Variants in SLC24A2 observed in about 807,000 individuals in gnomAD.
The protein encoded by SLC24A2 is sodium/potassium/calcium exchanger 2.
A neutral mutation model predicts 62.0 loss-of-function variants in SLC24A2; 36 were observed. That is an observed-to-expected ratio of 0.58 (90% confidence interval 0.44 to 0.77). The LOEUF is 0.77. Among genes scored for constraint, SLC24A2 ranks in the 30% least tolerant of loss-of-function variants. The probability of loss-of-function intolerance (pLI) is 0.00; values close to 1 mark genes in which losing one functional copy is unlikely to be tolerated. For missense variants in SLC24A2, 846 were observed against 817.9 expected (o/e 1.03, Z -0.42); for synonymous variants, 358 against 294.0 (o/e 1.22, Z -2.23).
At chr9:20,075,120 A>C in the SLC24A2 span, among the ~76,000 whole-genome samples, 1 of 152,192 alleles carries the variant, frequency 6.6e-6, no homozygotes, top group Non-Finnish European at 1.5e-5. Context: ...CTTTGGCATT[A>C]CTACTTTTAT....
Position 19,512,823 on chromosome 9 carries a change from C to T in SLC24A2, c.*3330G>A, listed in dbSNP as rs1218733336. 6.6e-6 allele frequency: 1 copy of T among 152,044 alleles called. No individual in the cohort carries two copies. The highest frequency in any genetic ancestry group is 1.5e-5 in the Non-Finnish European group (1 of 68,008). 9.4% of individuals were successfully genotyped at this position (152,044 alleles called of 1,614,324 possible). ...GAGAAGCAAAGAGAGTATCTGCAGT[C>T]TAAATTTTTGCTTTGTATTTTCTGT... On this transcript the variant is annotated 3_prime_UTR_variant, in exon 11 of 11. Transcript: ENST00000341998.
the SLC24A2 span, among the ~76,000 whole-genome samples, chr9:19,902,640 TTGAG>T: frequency 1.5e-4 from 23 of 152,272 alleles, no homozygotes; most frequent in African/African-American, 5.3e-4. Flanking sequence ...GAAGAGGATA[TTGAG>T]TCATTTGCCT....
the SLC24A2 span, among the ~76,000 whole-genome samples, chr9:19,996,165 G>A: frequency 1.3e-5 from 2 of 152,312 alleles, no homozygotes; most frequent in Middle Eastern, 3.4e-3. Context: ...GTGCTGTGAA[G>A]AAAAGGCTGG....
At chr9:19,679,512 A>G (rs1019479035) in intron 2 of SLC24A2, among the ~76,000 whole-genome samples, 3 of 152,128 alleles carry the variant, frequency 2.0e-5, no homozygotes, top group Admixed American at 2.0e-4. Flanking sequence ...GTGTCTGTGA[A>G]GGGGTTTTTG....
the SLC24A2 span, among the ~76,000 whole-genome samples, chr9:20,261,424 G>A: frequency 2.0e-5 from 3 of 152,144 alleles, no homozygotes; most frequent in Non-Finnish European, 2.9e-5. Flanking sequence ...GCAAGCATGT[G>A]TAAAAAGAAG....
intron 8 of SLC24A2, among the ~76,000 whole-genome samples, chr9:19,538,283 G>A (rs1288881853): frequency 3.5e-5 from 5 of 144,058 alleles, no homozygotes; most frequent in African/African-American, 1.4e-4. Context: ...TCTTGTGCCA[G>A]TTTTCAAAGG....
chr9:19,776,097 G>A (rs1822838051), intron 2 of SLC24A2, among the ~76,000 whole-genome samples: 1 of 152,146 alleles, frequency 6.6e-6, no homozygotes, highest in African/African-American at 2.4e-5. Context: ...GCATGCATGT[G>A]CACATACATA....
At chr9:20,264,187 T>C in the SLC24A2 span, among the ~76,000 whole-genome samples, 4 of 152,168 alleles carry the variant, frequency 2.6e-5, no homozygotes, top group African/African-American at 9.7e-5. Flanking sequence ...AACACCTCTG[T>C]TGAAATGTCA....
the SLC24A2 span, among the ~76,000 whole-genome samples, chr9:20,291,804 T>A: frequency 6.6e-6 from 1 of 152,178 alleles, no homozygotes; most frequent in Non-Finnish European, 1.5e-5. Context: ...GAAGAGCCAC[T>A]GGCCATTTTT....
the SLC24A2 span, among the ~76,000 whole-genome samples, chr9:20,104,626 A>C: frequency 9.9e-5 from 15 of 152,182 alleles, no homozygotes; most frequent in Non-Finnish European, 1.6e-4. Context: ...GAGAAATAAA[A>C]TACTTTACAG....
At chr9:20,098,380 G>A in the SLC24A2 span, among the ~76,000 whole-genome samples, 5 of 152,180 alleles carry the variant, frequency 3.3e-5, no homozygotes, top group East Asian at 1.9e-4. Flanking sequence ...CTTTTCAGGT[G>A]CTGGGTTTTT....
At chr9:20,228,493 G>A in the SLC24A2 span, among the ~76,000 whole-genome samples, 14 of 152,074 alleles carry the variant, frequency 9.2e-5, 1 homozygote, top group Admixed American at 6.6e-4. Flanking sequence ...AAATCCAAGC[G>A]CAACAAATAT....
At chr9:20,190,394 A>C in the SLC24A2 span, among the ~76,000 whole-genome samples, 1 of 152,210 alleles carries the variant, frequency 6.6e-6, no homozygotes, top group African/African-American at 2.4e-5. Flanking sequence ...AATAATTAAA[A>C]ATTTTTAATC....
chr9:19,787,263 A>G (rs1823203347), intron 1 of SLC24A2, among the ~76,000 whole-genome samples: 1 of 152,228 alleles, frequency 6.6e-6, no homozygotes, highest in Non-Finnish European at 1.5e-5. Context: ...ACTTATGAAG[A>G]TGTATGTATA....
At chr9:19,975,727 G>C in the SLC24A2 span, among the ~76,000 whole-genome samples, 1 of 151,564 alleles carries the variant, frequency 6.6e-6, no homozygotes, top group South Asian at 2.1e-4. Flanking sequence ...ACTCATTTGG[G>C]TTGGAGACTT....
intron 2 of SLC24A2, among the ~76,000 whole-genome samples, chr9:19,648,917 G>T (rs1337053469): frequency 7.1e-6 from 1 of 141,092 alleles, no homozygotes; most frequent in Non-Finnish European, 1.5e-5. Context: ...TAATAAAGCT[G>T]ATTTCACTCA....
intron 2 of SLC24A2, among the ~76,000 whole-genome samples, chr9:19,703,204 G>A (rs934362419): frequency 1.3e-5 from 2 of 152,136 alleles, no homozygotes; most frequent in African/African-American, 4.8e-5. Flanking sequence ...ATGACATGAT[G>A]GATTAGAATC....
At chr9:19,566,884 C>G (rs965075285) in intron 7 of SLC24A2, among the ~76,000 whole-genome samples, 5 of 151,688 alleles carry the variant, frequency 3.3e-5, no homozygotes, top group African/African-American at 4.8e-5. Flanking sequence ...ACAGCATGTT[C>G]TCACTCATAG....
At chr9:19,977,689 T>A in the SLC24A2 span, among the ~76,000 whole-genome samples, 1 of 152,182 alleles carries the variant, frequency 6.6e-6, no homozygotes, top group Non-Finnish European at 1.5e-5. Flanking sequence ...GCAGGAACAA[T>A]TTGAAGGCAA....
Sources: gnomAD v4.1 joint callset for allele counts (sites outside exome capture counted in the v4.1 genomes callset) on GRCh38, gnomAD v4.1.1 for gene constraint, MANE v1.5 for transcripts, NCBI Gene and HGNC (gene_info 2026-07-23, HGNC 2026-07-21) for gene names.